ABL2: variants seen among roughly 807,000 people sequenced by gnomAD.
ABL2 encodes the protein ABL proto-oncogene 2, non-receptor tyrosine kinase.
A neutral mutation model predicts 107.7 loss-of-function variants in ABL2; 49 were observed. The ratio of observed to expected loss-of-function variants is 0.45; its 90% confidence interval spans 0.36 to 0.58. The LOEUF is 0.58. ABL2 is among the 20% of genes least tolerant of loss of function. The pLI is 0.00. For synonymous variants in ABL2, 549 were observed against 548.6 expected, an observed-to-expected ratio of 1.00 and a Z score of -0.01; for missense variants, 1,245 against 1,457.0, an observed-to-expected ratio of 0.85 and a Z score of 2.37.
intron 3 of ABL2, among the ~76,000 whole-genome samples, chr1:179,127,384 C>A (rs28914527): frequency 4.6e-3 from 703 of 152,246 alleles, no homozygotes; most frequent in Non-Finnish European, 6.2e-3. Flanking sequence ...CCTTTCCATT[C>A]CACATTAAAA....
rs1393909650 is a variant in ABL2 at position 179,229,266 on chromosome 1, G to A, written c.132C>T (p.Thr44=). ...CATGCTGGGTGAAGATATTGAAGCC[G>A]GTCTCTGTGGTGCGCCCCGCCGGGT... ...RRDPAGRTTE[T]GFNIFTQHDH... Residue 44 remains threonine, a synonymous_variant, in exon 1 of 12, where the codon ACC becomes ACT. Transcript: ENST00000502732. 2.6e-6 allele frequency: 4 copies of A among 1,556,434 alleles called. No individual in the cohort carries two copies. Among genetic ancestry groups the A allele is most frequent in the Middle Eastern group, 2.2e-4 (1 of 4,630 alleles).
intron 1 of ABL2, among the ~76,000 whole-genome samples, chr1:179,138,970 A>T (rs1440415301): frequency 1.3e-5 from 2 of 152,202 alleles, no homozygotes; most frequent in Non-Finnish European, 2.9e-5. Flanking sequence ...GCCCCGGGCA[A>T]TGAGGGACTT....
At chr1:179,218,667 G>C (rs563973034) in intron 1 of ABL2, among the ~76,000 whole-genome samples, 3 of 152,308 alleles carry the variant, frequency 2.0e-5, no homozygotes, top group Admixed American at 1.3e-4. Flanking sequence ...CAAAGCACTA[G>C]GATTACAGGC....
intron 1 of ABL2, among the ~76,000 whole-genome samples, chr1:179,204,016 C>A (rs906617951): frequency 1.3e-5 from 2 of 151,612 alleles, no homozygotes; most frequent in Non-Finnish European, 2.9e-5. Flanking sequence ...TAAAATATTT[C>A]CATTTATTTA....
Position 179,126,557 on chromosome 1 carries a change from T to C in ABL2, c.507A>G (p.Glu169=). The C allele has an allele frequency of 6.2e-7, 1 of 1,614,228 alleles. No individual in the cohort carries two copies. Residue 169 remains glutamate (E), a synonymous_variant, in exon 4 of 12, where the codon GAA becomes GAG. Transcript: ENST00000502732. The surrounding 1 kb of genome is among the most constrained non-coding windows in gnomAD (Gnocchi z 4.4). ...CAGGTCCATGGTACCAGGAGTGTTT[T>C]TCCAGGCTGTTCACTGGGGTGATGT... The part of the protein sequence containing the change: ...SNYITPVNSL[E]KHSWYHGPVS...
intron 1 of ABL2, among the ~76,000 whole-genome samples, chr1:179,157,320 C>A (rs1379550487): frequency 1.3e-5 from 2 of 151,988 alleles, no homozygotes; most frequent in Non-Finnish European, 2.9e-5. Context: ...CATGGTGAAA[C>A]CCTGGTCTCC....
In ABL2 at chr1:179,099,419, G is replaced by A. The variant is rs1320444247; in HGVS notation, c.*8299C>T. The A allele has an allele frequency of 1.9e-5, 4 of 212,684 alleles. No homozygotes were observed. The highest frequency in any genetic ancestry group is 3.8e-5 in the Non-Finnish European group (4 of 105,288). 13.2% of individuals were successfully genotyped at this position (212,684 alleles called of 1,614,324 possible). ...GACAGAGAAAGCAGTCCCTTTCAAG[G>A]GCCTCATTTATTTACATCAAGTTTA... On this transcript the variant is annotated 3_prime_UTR_variant, in exon 12 of 12. Transcript: ENST00000502732.
chr1:179,135,665 C>G (rs915985414), intron 1 of ABL2, among the ~76,000 whole-genome samples: 16 of 149,642 alleles, frequency 1.1e-4, no homozygotes, highest in Non-Finnish European at 1.8e-4. Flanking sequence ...GTCAGCCCCC[C>G]GCCTGGCCAG....
chr1:179,180,301 C>T (rs899468248), intron 1 of ABL2, among the ~76,000 whole-genome samples: 1 of 152,130 alleles, frequency 6.6e-6, no homozygotes, highest in African/African-American at 2.4e-5. Context: ...TGGGACCTCA[C>T]TCTGAAGATG....
rs191165001 is a variant in ABL2, at chr1:179,128,859, T to G, written c.392-2187A>C. On this transcript the variant is annotated intron_variant, in intron 3 of 11. Coordinates refer to ENST00000502732, the MANE Select transcript of ABL2 (RefSeq NM_007314.4). ...CCACTGCCCCTGGCTAATTTTTAAA[T>G]TTTTTGTAGAGACAGGGGTCTCACT... 5.9e-5 allele frequency among the ~76,000 whole-genome samples: 9 copies of G among 152,254 alleles called. No homozygotes were observed. In the East Asian group the frequency reaches 1.7e-3, roughly 29 times the overall value.
rs566878357 is a variant in ABL2 at position 179,217,486 on chromosome 1, T to C, written c.157+11755A>G. Among the ~76,000 whole-genome samples, 3 of 151,320 alleles carry C rather than the reference T, an allele frequency of 2.0e-5. No individual in the cohort carries two copies. In the South Asian group the frequency reaches 6.3e-4, roughly 32 times the overall value. On this transcript the variant is annotated intron_variant, in intron 1 of 11. Transcript: ENST00000502732. Reference sequence around the variant, plus strand: ...ACTAAAAACACAAAAATTAGCCGAGTGTGATGGCATGCACCTGTGGTCCCA... The same window carrying C: ...ACTAAAAACACAAAAATTAGCCGAGCGTGATGGCATGCACCTGTGGTCCCA...
intron 1 of ABL2, among the ~76,000 whole-genome samples, chr1:179,151,769 G>A (rs953551076): frequency 6.6e-6 from 1 of 151,912 alleles, no homozygotes; most frequent in African/African-American, 2.4e-5. Context: ...TCCCTAACAA[G>A]AGAAATTAAA....
In ABL2 at chr1:179,107,694, A is replaced by C. The variant is rs374548519; in HGVS notation, c.*24T>G. The C allele has an allele frequency of 1.9e-6, 3 of 1,566,176 alleles. No homozygotes were observed. In the African/African-American group the frequency reaches 4.1e-5, roughly 21 times the overall value. ...TCCCTCTCCCCTCAGAAATGTGTGCATTTTCCCACCAGGCTAACAGTGGCT... is the reference window on the plus strand; with the variant it reads ...TCCCTCTCCCCTCAGAAATGTGTGCCTTTTCCCACCAGGCTAACAGTGGCT... On this transcript the variant is annotated 3_prime_UTR_variant, in exon 12 of 12. Coordinates refer to ENST00000502732, the MANE Select transcript of ABL2 (RefSeq NM_007314.4).
intron 1 of ABL2, among the ~76,000 whole-genome samples, chr1:179,156,913 AT>A (rs1326523174): frequency 6.6e-5 from 10 of 151,268 alleles, no homozygotes; most frequent in Admixed American, 4.0e-4. Context: ...AAATAAATAA[AT>A]AAATAAATAA....
chr1:179,120,318 A>T, intron 5 of ABL2, 44 bp from the exon 6 acceptor site: 1 of 1,243,248 alleles, frequency 8.0e-7, no homozygotes, highest in African/African-American at 1.5e-5. Flanking sequence ...GAGAGGGACA[A>T]ACCCTCAACT....
intron 1 of ABL2, chr1:179,201,509 AG>A: frequency 3.7e-6 from 1 of 272,702 alleles, no homozygotes; most frequent in Non-Finnish European, 7.1e-6. Context: ...TCCCTCTCCA[AG>A]GGGAACATCC....
rs1424149916 is a variant in ABL2, at chr1:179,197,812, T to G, written c.157+31429A>C. Among the ~76,000 whole-genome samples, 10 of 149,248 alleles carry G rather than the reference T, an allele frequency of 6.7e-5. No homozygotes were observed. The Admixed American group carries it at 6.7e-4, about 10-fold the overall frequency. ...TAAACCCAGGAGGTAGAGGCTGCAGTGAGCTGAGATCACGCCACTGCATTC... is the reference window on the plus strand; with the variant it reads ...TAAACCCAGGAGGTAGAGGCTGCAGGGAGCTGAGATCACGCCACTGCATTC... On this transcript the variant is annotated intron_variant, in intron 1 of 11. Coordinates refer to ENST00000502732, the MANE Select transcript of ABL2 (RefSeq NM_007314.4).
At chr1:179,216,396 A>G (rs886246315) in intron 1 of ABL2, among the ~76,000 whole-genome samples, 4 of 152,228 alleles carry the variant, frequency 2.6e-5, no homozygotes, top group African/African-American at 9.6e-5. Context: ...AAGGCAACCA[A>G]GAGTTTTTGT....
At chr1:179,137,249 C>T (rs1293680695) in intron 1 of ABL2, among the ~76,000 whole-genome samples, 2 of 151,964 alleles carry the variant, frequency 1.3e-5, no homozygotes, top group Admixed American at 6.6e-5. Context: ...TTCTTCAAAC[C>T]GGTTTCATAT....
Sources: gnomAD v4.1 joint callset for allele counts (sites outside exome capture counted in the v4.1 genomes callset) on GRCh38, gnomAD v4.1.1 for gene constraint, Gnocchi (gnomAD v3.1) non-coding constraint, MANE v1.5 for transcripts, NCBI Gene and HGNC (gene_info 2026-07-23, HGNC 2026-07-21) for gene names.